SLC6A13: variants seen among roughly 807,000 people sequenced by gnomAD.
SLC6A13 encodes solute carrier family 6 member 13.
Under a neutral mutation model 72.9 loss-of-function variants are expected in SLC6A13, and 69 were observed. The observed-to-expected ratio is 0.95, with a 90% CI of 0.78 to 1.16. The LOEUF is 1.16. SLC6A13 is among the 50% of genes most tolerant of loss of function. The pLI, the probability that SLC6A13 is intolerant of heterozygous loss-of-function variation, is 0.00. For missense variants in SLC6A13, 735 were observed against 760.5 expected (o/e 0.97, Z 0.39); for synonymous variants, 303 against 303.0 (o/e 1.00, Z 0.00).
intron 2 of SLC6A13, among the ~76,000 whole-genome samples, chr12:245,076 G>T (rs949924751): frequency 6.6e-6 from 1 of 152,340 alleles, no homozygotes; most frequent in East Asian, 1.9e-4. Flanking sequence ...ACAGACAGGA[G>T]AATCTGCAGA....
At chr12:260,391 C>T (rs1035261257) in intron 1 of SLC6A13, among the ~76,000 whole-genome samples, 1 of 152,210 alleles carries the variant, frequency 6.6e-6, no homozygotes, top group African/African-American at 2.4e-5. Context: ...TGCCACCCTA[C>T]AGTCAGCCTC....
Position 259,953 on chromosome 12 carries a change from G to GC in SLC6A13, c.99dup (p.His34AlafsTer64). ...ACAAACTCCATCTTGTTGTTCCAGTGCCCCCGCTCCAGGGTGCCATCTTCC... is the reference window on the plus strand; with the variant it reads ...ACAAACTCCATCTTGTTGTTCCAGTGCCCCCCGCTCCAGGGTGCCATCTTCC... On this transcript the variant is annotated frameshift_variant, in exon 2 of 15. Coordinates refer to ENST00000343164, the MANE Select transcript of SLC6A13 (RefSeq NM_016615.5). LOFTEE classifies it high-confidence loss of function. 6.2e-7 allele frequency: 1 copy of GC among 1,614,174 alleles called. No individual in the cohort carries two copies. The highest frequency in any genetic ancestry group is 8.5e-7 in the Non-Finnish European group (1 of 1,180,032).
At chr12:231,532 A>C (rs547523282) in intron 7 of SLC6A13, among the ~76,000 whole-genome samples, 1 of 152,272 alleles carries the variant, frequency 6.6e-6, no homozygotes, top group Non-Finnish European at 1.5e-5. Context: ...TAGCTTCAGC[A>C]TGAGACTTGG....
chr12:227,773 G>T, intron 7 of SLC6A13, 105 bp from the exon 8 acceptor site: 3 of 943,168 alleles, frequency 3.2e-6, no homozygotes, highest in Non-Finnish European at 4.8e-6. Context: ...GCTAGGGATG[G>T]CGAGAAACCT....
chr12:230,907 C>T (rs1039681346), intron 7 of SLC6A13, among the ~76,000 whole-genome samples: 1 of 152,208 alleles, frequency 6.6e-6, no homozygotes, highest in African/African-American at 2.4e-5. Flanking sequence ...AGCAACTCAT[C>T]TTTCATTGAT....
chr12:244,008 C>T (rs970699589), intron 2 of SLC6A13, among the ~76,000 whole-genome samples, 195 bp from the exon 3 acceptor site: 2 of 152,216 alleles, frequency 1.3e-5, no homozygotes, highest in South Asian at 2.1e-4. Flanking sequence ...AAGATCTACA[C>T]AGCCTCTTGC....
chr12:233,738 C>T (rs1185493863), intron 7 of SLC6A13, among the ~76,000 whole-genome samples: 1 of 152,118 alleles, frequency 6.6e-6, no homozygotes, highest in East Asian at 1.9e-4. Context: ...ACTTATGGCC[C>T]TTGAGAGATA....
At chr12:226,156 C>G (rs546476269) in intron 9 of SLC6A13, among the ~76,000 whole-genome samples, 2 of 152,280 alleles carry the variant, frequency 1.3e-5, no homozygotes, top group East Asian at 3.9e-4. Flanking sequence ...TTGGCTGCTT[C>G]CAGGGTAATG....
intron 7 of SLC6A13, 25 bp downstream of exon 7, chr12:235,065 A>T (rs765962601): frequency 6.2e-7 from 1 of 1,613,890 alleles, no homozygotes; most frequent in African/African-American, 1.3e-5. Context: ...GAGTCACGTG[A>T]GGGCTCCTGT....
intron 2 of SLC6A13, among the ~76,000 whole-genome samples, chr12:258,543 G>A (rs6489355): frequency 1.2e-4 from 19 of 152,012 alleles, no homozygotes; most frequent in Admixed American, 3.3e-4. Flanking sequence ...CTCCAGTCCC[G>A]GCTGCAGTCT....
rs35470225 is a variant in SLC6A13 at position 242,458 on chromosome 12, G to A, written c.478+156C>T. The stretch of plus-strand genomic sequence containing the variant: ...GTTCCTGACATTTGCCTGTGACGCT[G>A]GTGAATTCTTGATCTTATTCTTGAC... On this transcript the variant is annotated intron_variant, in intron 4 of 14. Coordinates refer to ENST00000343164, the MANE Select transcript of SLC6A13 (RefSeq NM_016615.5). 5.4e-3 allele frequency among the ~76,000 whole-genome samples: 818 copies of A among 152,342 alleles called. 5 individuals carry two copies. The highest frequency in any genetic ancestry group is 8.9e-3 in the Non-Finnish European group (605 of 68,040).
intron 4 of SLC6A13, among the ~76,000 whole-genome samples, chr12:240,289 C>T (rs904616589): frequency 3.3e-5 from 5 of 152,120 alleles, no homozygotes; most frequent in Admixed American, 3.3e-4. Flanking sequence ...CTGCAACCTC[C>T]ACCTCCCAGG....
chr12:232,462 C>T (rs1941750717), intron 7 of SLC6A13, among the ~76,000 whole-genome samples: 1 of 152,216 alleles, frequency 6.6e-6, no homozygotes, highest in African/African-American at 2.4e-5. Context: ...CCTGTGGTCC[C>T]AGATAAGTCA....
At chr12:225,050 C>G (rs1565489105) in intron 9 of SLC6A13, among the ~76,000 whole-genome samples, 1 of 152,230 alleles carries the variant, frequency 6.6e-6, no homozygotes, top group African/African-American at 2.4e-5. Context: ...TTTCTGTCAC[C>G]CTGCAATGAC....
intron 13 of SLC6A13, 111 bp downstream of exon 13, chr12:222,421 T>G: frequency 1.7e-6 from 1 of 593,078 alleles, no homozygotes; most frequent in Non-Finnish European, 2.9e-6. Flanking sequence ...AAATCTAAGA[T>G]GATTTTCAGT....
chr12:229,245 C>G (rs1449746347), intron 7 of SLC6A13, among the ~76,000 whole-genome samples: 1 of 152,158 alleles, frequency 6.6e-6, no homozygotes, highest in East Asian at 1.9e-4. Context: ...CTGGGACAGG[C>G]AAGGGGGTGT....
Position 242,017 on chromosome 12 carries a change from C to T in SLC6A13, c.478+597G>A, listed in dbSNP as rs143367457. Among the ~76,000 whole-genome samples, 19 of 152,342 alleles carry T rather than the reference C, an allele frequency of 1.2e-4. No homozygotes were observed. In the East Asian group the frequency reaches 2.1e-3, roughly 17 times the overall value. ...GTGTTCGGCACAGTATTATAGCAGA[C>T]GGCCCAGGTGTGCGATGGGCTGGGC... is the stretch of plus-strand genomic sequence containing the variant. On this transcript the variant is annotated intron_variant, in intron 4 of 14. Transcript: ENST00000343164.
chr12:237,362 G>T, intron 5 of SLC6A13, 72 bp from the exon 6 acceptor site: 4 of 1,544,844 alleles, frequency 2.6e-6, no homozygotes, highest in Non-Finnish European at 3.5e-6. Context: ...TCCTGGGACA[G>T]TGGAGCTGAG....
intron 2 of SLC6A13, among the ~76,000 whole-genome samples, chr12:253,057 G>A (rs978951560): frequency 3.3e-5 from 5 of 152,278 alleles, no homozygotes; most frequent in African/African-American, 9.6e-5. Flanking sequence ...GTTAGTCCTG[G>A]GGATGGGGGG....
Sources: gnomAD v4.1 joint callset for allele counts (sites outside exome capture counted in the v4.1 genomes callset) on GRCh38, gnomAD v4.1.1 for gene constraint, MANE v1.5 for transcripts, NCBI Gene and HGNC (gene_info 2026-07-23, HGNC 2026-07-21) for gene names.